HIVEP2: variants seen among roughly 807,000 people sequenced by gnomAD.
The protein encoded by HIVEP2 is transcription factor HIVEP2.
Under a neutral mutation model 180.7 loss-of-function variants are expected in HIVEP2, and 14 were observed. That is an observed-to-expected ratio of 0.08 (90% CI 0.05 to 0.12). The LOEUF (loss-of-function observed/expected upper bound fraction) is 0.12, where lower values mean the gene tolerates loss of function less well. HIVEP2 is among the 10% of genes least tolerant of loss of function. The pLI is 1.00. For synonymous variants in HIVEP2, 1,184 were observed against 1,136.4 expected, an observed-to-expected ratio of 1.04 and a Z score of -0.84; for missense variants, 2,579 against 3,008.5, an observed-to-expected ratio of 0.86 and a Z score of 3.34.
At chr6:142,816,335 C>T (rs1246774242) in intron 2 of HIVEP2, among the ~76,000 whole-genome samples, 2 of 152,154 alleles carry the variant, frequency 1.3e-5, no homozygotes, top group South Asian at 2.1e-4. Flanking sequence ...CTGTTCTTTG[C>T]CCCCAGTTCA....
chr6:142,791,000 A>G (rs551919841), intron 2 of HIVEP2, among the ~76,000 whole-genome samples: 1 of 152,360 alleles, frequency 6.6e-6, no homozygotes, highest in South Asian at 2.1e-4. Flanking sequence ...ATGACATATC[A>G]TATAACCTAA....
intron 1 of HIVEP2, among the ~76,000 whole-genome samples, chr6:142,896,757 G>A (rs1337203102): frequency 1.3e-5 from 2 of 152,054 alleles, no homozygotes; most frequent in African/African-American, 4.8e-5. Flanking sequence ...GTCCTTTCTG[G>A]TGCTCAAAGC....
chr6:142,922,672 C>T (rs1470963627), intron 1 of HIVEP2, among the ~76,000 whole-genome samples: 2 of 152,172 alleles, frequency 1.3e-5, no homozygotes, highest in Admixed American at 1.3e-4. Context: ...AGACAGTACT[C>T]AAACCCAGGC....
At chr6:142,766,260 G>A (rs1775378035) in intron 6 of HIVEP2, among the ~76,000 whole-genome samples, 1 of 152,186 alleles carries the variant, frequency 6.6e-6, no homozygotes, top group Admixed American at 6.5e-5. Context: ...CAATCCAGAT[G>A]AGAGTTAAGT....
chr6:142,872,984 G>T (rs952526715), intron 1 of HIVEP2, among the ~76,000 whole-genome samples: 2 of 152,104 alleles, frequency 1.3e-5, no homozygotes, highest in Non-Finnish European at 2.9e-5. Flanking sequence ...ATCTAACAAG[G>T]TCACAAGGGC....
At chr6:142,843,092 G>A (rs1294322562) in intron 1 of HIVEP2, among the ~76,000 whole-genome samples, 1 of 152,148 alleles carries the variant, frequency 6.6e-6, no homozygotes, top group Admixed American at 6.5e-5. Flanking sequence ...CCTCAGCAGT[G>A]CTTTATAATA....
intron 9 of HIVEP2, among the ~76,000 whole-genome samples, chr6:142,754,384 T>A (rs574793356): frequency 6.6e-6 from 1 of 152,262 alleles, no homozygotes; most frequent in South Asian, 2.1e-4. Flanking sequence ...AGATTTTTAA[T>A]ATTTTTCTTA....
At chr6:142,808,593 G>T (rs1473757090) in intron 2 of HIVEP2, among the ~76,000 whole-genome samples, 5 of 150,280 alleles carry the variant, frequency 3.3e-5, no homozygotes, top group South Asian at 2.1e-4. Context: ...CGGATGGATA[G>T]ATGGAGGGAT....
At chr6:142,785,044 C>A (rs1023196854) in intron 2 of HIVEP2, among the ~76,000 whole-genome samples, 1 of 151,752 alleles carries the variant, frequency 6.6e-6, no homozygotes, top group Non-Finnish European at 1.5e-5. Flanking sequence ...CCCACCACCA[C>A]GCCCAGCTAA....
At chr6:142,882,322 T>C (rs1776591964) in intron 1 of HIVEP2, among the ~76,000 whole-genome samples, 1 of 151,952 alleles carries the variant, frequency 6.6e-6, no homozygotes, top group Non-Finnish European at 1.5e-5. Context: ...AGAAAAGAAG[T>C]AGAAGAGGCA....
intron 1 of HIVEP2, among the ~76,000 whole-genome samples, chr6:142,887,298 C>G (rs542244940): frequency 6.6e-6 from 1 of 151,714 alleles, no homozygotes; most frequent in Non-Finnish European, 1.5e-5. Context: ...GAGACATATT[C>G]CTATTTGCCA....
intron 1 of HIVEP2, among the ~76,000 whole-genome samples, chr6:142,922,089 T>C (rs1230219337): frequency 6.6e-6 from 1 of 152,148 alleles, no homozygotes; most frequent in Non-Finnish European, 1.5e-5. Flanking sequence ...TCTGGCCTCA[T>C]CTTACATCTC....
intron 1 of HIVEP2, among the ~76,000 whole-genome samples, chr6:142,885,227 T>C (rs1197585058): frequency 1.3e-5 from 2 of 151,952 alleles, no homozygotes; most frequent in Non-Finnish European, 2.9e-5. Flanking sequence ...GTCCAGGAAA[T>C]GCACCTTTCC....
At chr6:142,870,426 G>C (rs182078194) in intron 1 of HIVEP2, among the ~76,000 whole-genome samples, 176 of 152,230 alleles carry the variant, frequency 1.2e-3, no homozygotes, top group African/African-American at 4.0e-3. Context: ...TAAAGCGCAT[G>C]AATTTGTTTT....
chr6:142,790,074 T>C (rs1234338910), intron 2 of HIVEP2, among the ~76,000 whole-genome samples: 2 of 152,202 alleles, frequency 1.3e-5, no homozygotes, highest in Non-Finnish European at 2.9e-5. Flanking sequence ...TATGCTCTTA[T>C]AACGAAAATT....
rs1469351292 is a variant in HIVEP2, at chr6:142,771,402, C to A, written c.3337G>T (p.Ala1113Ser). The A allele has an allele frequency of 6.2e-7, 1 of 1,613,306 alleles. No individual in the cohort carries two copies. Reference protein sequence around the residue: ...VKQEQLEHLHAGLRSGWHHGP... With the variant: ...VKQEQLEHLHSGLRSGWHHGP... ...TGGTGCCACCCGGACCGGAGGCCAGCATGCAGGTGCTCCAGCTGCTCTTGC... is the reference window on the plus strand; with the variant it reads ...TGGTGCCACCCGGACCGGAGGCCAGAATGCAGGTGCTCCAGCTGCTCTTGC... Residue 1113 changes from alanine (A) to serine (S), a missense_variant, in exon 5 of 10, where the codon GCT (alanine) becomes TCT (serine). This residue lies in a region of HIVEP2 where 523 missense variants were observed against 577.0 expected (regional missense o/e 0.91). Coordinates refer to ENST00000367603, the MANE Select transcript of HIVEP2 (RefSeq NM_006734.4). The surrounding 1 kb of genome is among the most constrained non-coding windows in gnomAD (Gnocchi z 5.4).
chr6:142,927,098 G>A (rs914222828), intron 1 of HIVEP2, among the ~76,000 whole-genome samples: 2 of 151,852 alleles, frequency 1.3e-5, no homozygotes, highest in Admixed American at 6.6e-5. Flanking sequence ...CGCTGCTACC[G>A]GAGGCCAGCC....
At chr6:142,827,673 G>A (rs144035660) in intron 2 of HIVEP2, among the ~76,000 whole-genome samples, 154 of 152,318 alleles carry the variant, frequency 1.0e-3, no homozygotes, top group Middle Eastern at 6.8e-3. Flanking sequence ...GTGCCCAAAG[G>A]GAAGGAGTGG....
intron 2 of HIVEP2, among the ~76,000 whole-genome samples, chr6:142,819,142 G>A (rs868744080): frequency 6.6e-6 from 1 of 152,078 alleles, no homozygotes; most frequent in East Asian, 1.9e-4. Flanking sequence ...GCTGAGGCAG[G>A]AGGGTTGCTT....
Sources: allele counts gnomAD v4.1 joint callset (sites outside exome capture counted in the v4.1 genomes callset), GRCh38; gene constraint gnomAD v4.1.1; regional missense constraint gnomAD v4.1.1; non-coding constraint Gnocchi (gnomAD v3.1); transcripts MANE v1.5; gene names NCBI Gene and HGNC (gene_info 2026-07-23, HGNC 2026-07-21).